The following CDC42BPA variants were observed in gnomAD, a reference collection of about 807,000 sequenced individuals.
CDC42BPA encodes serine/threonine-protein kinase MRCK alpha.
Under a neutral mutation model 223.5 loss-of-function variants are expected in CDC42BPA, and 80 were observed. The observed-to-expected ratio is 0.36, with a 90% CI of 0.30 to 0.43. The LOEUF (loss-of-function observed/expected upper bound fraction) is 0.43, where lower values mean the gene tolerates loss of function less well. Ranked by LOEUF, CDC42BPA falls within the 20% of genes least tolerant of loss-of-function variation. The pLI, the probability that CDC42BPA is intolerant of heterozygous loss-of-function variation, is 1.00. For synonymous variants in CDC42BPA, 694 were observed against 718.6 expected, an observed-to-expected ratio of 0.97 and a Z score of 0.55; for missense variants, 1,743 against 2,099.9, an observed-to-expected ratio of 0.83 and a Z score of 3.32.
At chr1:227,239,953 A>G (rs2813953) in intron 2 of CDC42BPA, among the ~76,000 whole-genome samples, 46,691 of 151,874 alleles carry the variant, frequency 0.31, 7,320 homozygotes, top group East Asian at 0.37. Context: ...TAGAAAGTCT[A>G]CAAAGTAAAA....
chr1:227,274,957 C>A (rs1472906968), intron 1 of CDC42BPA, among the ~76,000 whole-genome samples: 2 of 152,036 alleles, frequency 1.3e-5, no homozygotes, highest in African/African-American at 2.4e-5. Context: ...GAAAAATTGG[C>A]AAACTTGCCA....
At chr1:227,242,309 CATT>C (rs1680161834) in intron 2 of CDC42BPA, among the ~76,000 whole-genome samples, 1 of 152,042 alleles carries the variant, frequency 6.6e-6, no homozygotes, top group Non-Finnish European at 1.5e-5. Context: ...ACTTCTTAAT[CATT>C]AGTAAAATGC....
intron 9 of CDC42BPA, among the ~76,000 whole-genome samples, chr1:227,141,514 G>C (rs933669676): frequency 6.6e-6 from 1 of 152,158 alleles, no homozygotes; most frequent in African/African-American, 2.4e-5. Flanking sequence ...AAAGAACAGA[G>C]AATTTGGGTC....
intron 2 of CDC42BPA, among the ~76,000 whole-genome samples, chr1:227,244,051 T>C (rs1680484374): frequency 6.6e-6 from 1 of 150,976 alleles, no homozygotes; most frequent in African/African-American, 2.4e-5. Flanking sequence ...AGCGAGGTTA[T>C]AAAGCAACTG....
chr1:227,223,820 A>G (rs1036004051), intron 2 of CDC42BPA, among the ~76,000 whole-genome samples: 3 of 152,224 alleles, frequency 2.0e-5, no homozygotes, highest in Admixed American at 6.5e-5. Flanking sequence ...AGACTCTTTC[A>G]GGATGCTGGT....
chr1:227,053,418 G>A (rs961534695), intron 21 of CDC42BPA, among the ~76,000 whole-genome samples: 2 of 152,126 alleles, frequency 1.3e-5, no homozygotes, highest in African/African-American at 4.8e-5. Context: ...GAGAAGAAGG[G>A]TGAAGGCATT....
At chr1:227,139,790 T>C (rs1659348840) in intron 9 of CDC42BPA, 48 bp from the exon 10 acceptor site, 1 of 1,238,656 alleles carries the variant, frequency 8.1e-7, no homozygotes, top group Non-Finnish European at 1.1e-6. Context: ...ATAAAAAGCT[T>C]GAAGAAAAAC....
intron 6 of CDC42BPA, among the ~76,000 whole-genome samples, chr1:227,155,540 A>G (rs958898270): frequency 6.6e-6 from 1 of 152,192 alleles, no homozygotes; most frequent in African/African-American, 2.4e-5. Context: ...GTAGGTCTCT[A>G]GAACGAACAG....
chr1:227,254,196 T>C, intron 1 of CDC42BPA, 41 bp from the exon 2 acceptor site: 1 of 1,030,332 alleles, frequency 9.7e-7, no homozygotes, highest in Non-Finnish European at 1.5e-6. Context: ...CTTAATAAAA[T>C]GTGATGCAAA....
intron 2 of CDC42BPA, among the ~76,000 whole-genome samples, chr1:227,221,737 A>C (rs999191687): frequency 3.9e-5 from 6 of 151,936 alleles, no homozygotes; most frequent in African/African-American, 1.5e-4. Flanking sequence ...TAGACACAGA[A>C]GTTTTTCTTT....
At chr1:227,282,547 G>GT (rs1688180003) in intron 1 of CDC42BPA, among the ~76,000 whole-genome samples, 1 of 152,178 alleles carries the variant, frequency 6.6e-6, no homozygotes, top group African/African-American at 2.4e-5. Context: ...ATTACCGGCA[G>GT]TTATCTAAGA....
intron 32 of CDC42BPA, 125 bp from the exon 33 acceptor site, chr1:227,017,175 G>T: frequency 1.3e-6 from 1 of 765,028 alleles, no homozygotes; most frequent in Non-Finnish European, 2.0e-6. Context: ...GTTTTTAAAT[G>T]TTGTGTTGAT....
intron 23 of CDC42BPA, among the ~76,000 whole-genome samples, chr1:227,047,073 T>C (rs1203030821): frequency 6.6e-6 from 1 of 152,106 alleles, no homozygotes; most frequent in Non-Finnish European, 1.5e-5. Context: ...AACTTTCCTG[T>C]TTTTCATCTT....
intron 14 of CDC42BPA, among the ~76,000 whole-genome samples, chr1:227,108,715 C>G (rs756030822): frequency 3.8e-4 from 58 of 152,138 alleles, no homozygotes; most frequent in Non-Finnish European, 1.5e-4. Flanking sequence ...ATACAACCTA[C>G]ACACATCCTC....
At chr1:227,022,205 G>A (rs1667511050) in intron 32 of CDC42BPA, among the ~76,000 whole-genome samples, 1 of 152,130 alleles carries the variant, frequency 6.6e-6, no homozygotes, top group South Asian at 2.1e-4. Flanking sequence ...GCTGAGGCAG[G>A]TGGATCATTT....
At chr1:227,240,928 T>C (rs1021663035) in intron 2 of CDC42BPA, among the ~76,000 whole-genome samples, 1 of 152,068 alleles carries the variant, frequency 6.6e-6, no homozygotes, top group Non-Finnish European at 1.5e-5. Flanking sequence ...AACGATAATT[T>C]TTTTAAAAAA....
At chr1:227,246,400 G>T (rs554171932) in intron 2 of CDC42BPA, among the ~76,000 whole-genome samples, 1 of 151,950 alleles carries the variant, frequency 6.6e-6, no homozygotes, top group Non-Finnish European at 1.5e-5. Flanking sequence ...ACCCTGAAGG[G>T]AAGGGCCTTG....
At chr1:227,001,312 C>T (rs993975835) in intron 35 of CDC42BPA, among the ~76,000 whole-genome samples, 2 of 152,162 alleles carry the variant, frequency 1.3e-5, no homozygotes, top group East Asian at 1.9e-4. Flanking sequence ...CCGAGAGGGT[C>T]TTTCCTCTTA....
chr1:227,276,468 T>C (rs1572805439), intron 1 of CDC42BPA, among the ~76,000 whole-genome samples: 1 of 150,038 alleles, frequency 6.7e-6, no homozygotes, highest in Admixed American at 6.6e-5. Context: ...CAGCCCCCGC[T>C]CGGCCAGCCG....
Sources: allele counts gnomAD v4.1 joint callset (sites outside exome capture counted in the v4.1 genomes callset), GRCh38; gene constraint gnomAD v4.1.1; transcripts MANE v1.5; gene names NCBI Gene and HGNC (gene_info 2026-07-23, HGNC 2026-07-21).